HECW2: variants seen among roughly 807,000 people sequenced by gnomAD.
HECW2 encodes the protein E3 ubiquitin-protein ligase HECW2.
Under a neutral mutation model 175.2 loss-of-function variants are expected in HECW2, and 61 were observed. The ratio of observed to expected loss-of-function variants is 0.35; its 90% CI spans 0.28 to 0.43. The LOEUF is 0.43. Ranked by LOEUF, HECW2 falls within the 20% of genes least tolerant of loss-of-function variation. HECW2 has a pLI of 1.00. For missense variants in HECW2, 1,524 were observed against 2,000.5 expected (o/e 0.76, Z 4.54); for synonymous variants, 671 against 731.0 (o/e 0.92, Z 1.32).
chr2:196,367,779 T>C (rs1371604342), intron 2 of HECW2, among the ~76,000 whole-genome samples: 1 of 152,060 alleles, frequency 6.6e-6, no homozygotes, highest in Non-Finnish European at 1.5e-5. Flanking sequence ...TCACTTAACA[T>C]AATGACCTCC....
chr2:196,297,205 C>T (rs777070393), intron 13 of HECW2, among the ~76,000 whole-genome samples: 2 of 152,116 alleles, frequency 1.3e-5, no homozygotes, highest in Non-Finnish European at 2.9e-5. Flanking sequence ...CTTTGTTTTC[C>T]TTTGACATAA....
At chr2:196,540,508 A>T (rs1689174062) in intron 1 of HECW2, among the ~76,000 whole-genome samples, 1 of 152,172 alleles carries the variant, frequency 6.6e-6, no homozygotes, top group Non-Finnish European at 1.5e-5. Flanking sequence ...GCAAGATCAT[A>T]GCTCACAGTT....
chr2:196,356,953 G>A (rs1363476044), intron 2 of HECW2, among the ~76,000 whole-genome samples: 1 of 152,184 alleles, frequency 6.6e-6, no homozygotes, highest in African/African-American at 2.4e-5. Flanking sequence ...TGCACAGAGT[G>A]AACCCAGTCT....
At chr2:196,311,098 T>C (rs558900944) in intron 10 of HECW2, among the ~76,000 whole-genome samples, 2 of 152,224 alleles carry the variant, frequency 1.3e-5, no homozygotes, top group Admixed American at 6.5e-5. Flanking sequence ...AATCCTATTT[T>C]AGCCATGACA....
chr2:196,444,867 A>AC (rs954792151), intron 1 of HECW2, among the ~76,000 whole-genome samples: 1 of 151,990 alleles, frequency 6.6e-6, no homozygotes, highest in African/African-American at 2.4e-5. Flanking sequence ...CAGAGGGTGG[A>AC]TTTTTTTTCC....
At chr2:196,369,248 C>T (rs1693839263) in intron 2 of HECW2, among the ~76,000 whole-genome samples, 1 of 152,124 alleles carries the variant, frequency 6.6e-6, no homozygotes, top group Non-Finnish European at 1.5e-5. Flanking sequence ...CTATAGGTAC[C>T]ACCTTGGTAG....
intron 1 of HECW2, among the ~76,000 whole-genome samples, chr2:196,485,619 G>A (rs780735599): frequency 2.5e-4 from 38 of 152,160 alleles, no homozygotes; most frequent in Non-Finnish European, 4.3e-4. Flanking sequence ...TGGTGATTAA[G>A]TTTCAACACC....
rs141790266 is a variant in HECW2, at chr2:196,377,587, C to T, written c.293-33823G>A. On this transcript the variant is annotated intron_variant, in intron 2 of 28. Transcript: ENST00000644978. The stretch of plus-strand genomic sequence containing the variant: ...ACAGCATGGGAAAGACCCACCTCCA[C>T]GATTCACTTACCTCCCACTGGGTTC... Among the ~76,000 whole-genome samples, 62 of 152,300 alleles carry T rather than the reference C, an allele frequency of 4.1e-4. 1 individual carries two copies. The East Asian group carries it at 0.01, about 26-fold the overall frequency.
chr2:196,557,468 G>A (rs10195145), intron 1 of HECW2, among the ~76,000 whole-genome samples: 7,239 of 151,950 alleles, frequency 0.048, 565 homozygotes, highest in African/African-American at 0.16. Context: ...CCAAGTATGA[G>A]TATAAATTTG....
chr2:196,591,455 T>G (rs1691189355), intron 1 of HECW2, among the ~76,000 whole-genome samples: 1 of 152,176 alleles, frequency 6.6e-6, no homozygotes, highest in Non-Finnish European at 1.5e-5. Context: ...ACATTTTTGT[T>G]AATAAACTGC....
intron 2 of HECW2, among the ~76,000 whole-genome samples, chr2:196,421,884 A>G (rs1695415478): frequency 6.6e-6 from 1 of 152,160 alleles, no homozygotes; most frequent in Non-Finnish European, 1.5e-5. Context: ...CAACCTATGC[A>G]ATTTTCGAAA....
chr2:196,278,357 T>C (rs542690669), intron 15 of HECW2, among the ~76,000 whole-genome samples, 171 bp downstream of exon 15: 86 of 149,274 alleles, frequency 5.8e-4, no homozygotes, highest in African/African-American at 2.0e-3. Context: ...TTAGGCTGTA[T>C]GTATTTCCAG....
intron 10 of HECW2, among the ~76,000 whole-genome samples, chr2:196,310,465 C>G (rs1276072759): frequency 6.6e-6 from 1 of 152,198 alleles, no homozygotes; most frequent in East Asian, 1.9e-4. Flanking sequence ...TATCATTCTA[C>G]CCAGGCAAAG....
At chr2:196,579,720 G>T (rs1690699581) in intron 1 of HECW2, among the ~76,000 whole-genome samples, 1 of 152,066 alleles carries the variant, frequency 6.6e-6, no homozygotes, top group Non-Finnish European at 1.5e-5. Context: ...CATTAGTATA[G>T]ACCTTAATCT....
chr2:196,220,853 C>T lies in HECW2; in HGVS notation c.4235G>A (p.Trp1412Ter). The T allele has an allele frequency of 1.2e-6, 2 of 1,614,186 alleles. No individual in the cohort carries two copies. Among genetic ancestry groups the T allele is most frequent in the Non-Finnish European group, 1.7e-6 (2 of 1,180,020 alleles). The change falls in exon 25 of 29, where the codon TGG becomes TAG. Residue 1412 changes from tryptophan to a stop codon, truncating the protein, a stop_gained. Transcript: ENST00000644978. LOFTEE classifies it high-confidence loss of function. The part of the protein sequence containing the change: ...KKEYIERMVK[W>*]RIERGVVQQT... ...CTGTACAACACCCCTCTCAATCCTC[C>T]ACTTCACCATCCTCTCGATGTACTC...
At chr2:196,306,339 T>TA in intron 13 of HECW2, 149 bp downstream of exon 13, 1 of 692,764 alleles carries the variant, frequency 1.4e-6, no homozygotes, top group Non-Finnish European at 2.2e-6. Context: ...CTAAACCGGT[T>TA]AAAGTGTACA....
At chr2:196,523,134 T>G (rs1688477372) in intron 1 of HECW2, among the ~76,000 whole-genome samples, 1 of 152,158 alleles carries the variant, frequency 6.6e-6, no homozygotes, top group Admixed American at 6.5e-5. Context: ...TCCATTTGTT[T>G]GTATCCTCTT....
intron 13 of HECW2, among the ~76,000 whole-genome samples, chr2:196,296,786 G>C (rs143743262): frequency 1.3e-5 from 2 of 152,206 alleles, no homozygotes; most frequent in Non-Finnish European, 2.9e-5. Flanking sequence ...AATGAACAGA[G>C]GTAAGAATGG....
chr2:196,570,968 G>A (rs952376079), intron 1 of HECW2, among the ~76,000 whole-genome samples: 3 of 152,138 alleles, frequency 2.0e-5, no homozygotes, highest in South Asian at 2.1e-4. Flanking sequence ...TTCAAAGAAC[G>A]TATGGCCACT....
Sources: gnomAD v4.1 joint callset for allele counts (sites outside exome capture counted in the v4.1 genomes callset) on GRCh38, gnomAD v4.1.1 for gene constraint, MANE v1.5 for transcripts, NCBI Gene and HGNC (gene_info 2026-07-23, HGNC 2026-07-21) for gene names.